The following FAM32A variants were observed in gnomAD, a reference collection of about 807,000 sequenced individuals.
FAM32A encodes protein FAM32A.
Under a neutral mutation model 15.8 loss-of-function variants are expected in FAM32A, and 9 were observed. The ratio of observed to expected loss-of-function variants is 0.57; its 90% CI spans 0.34 to 1.00. FAM32A has a LOEUF of 1.00. Ranked by LOEUF, FAM32A falls within the 50% of genes least tolerant of loss-of-function variation. The pLI is 0.02. For missense variants in FAM32A, 113 were observed against 138.3 expected (o/e 0.82, Z 0.92); for synonymous variants, 64 against 54.9 (o/e 1.16, Z -0.73).
At position 16,190,991 on chromosome 19, in the gene FAM32A, C is replaced by G; in HGVS notation, c.*36C>G. ...CCAGTATGGAGCAGCATCGAGGGTT[C>G]GCAAAAGGCCACACTGGGGTTGTGT... On this transcript the variant is annotated 3_prime_UTR_variant, in exon 4 of 4. Transcript: ENST00000263384. 1 of 1,514,652 alleles carries G rather than the reference C, an allele frequency of 6.6e-7. No homozygotes were observed. The highest frequency in any genetic ancestry group is 9.2e-7 in the Non-Finnish European group (1 of 1,089,480). 93.8% of individuals were successfully genotyped at this position (1,514,652 alleles called of 1,614,324 possible).
At chr19:16,189,701 G>GTC (rs973278506) in intron 2 of FAM32A, among the ~76,000 whole-genome samples, 8 of 74,910 alleles carry the variant, frequency 1.1e-4, no homozygotes, top group East Asian at 5.5e-4. Context: ...TTTTGACAGG[G>GTC]TCTCTCTCTC....
rs1454989169 is a variant in FAM32A at position 16,185,785 on chromosome 19, GGC to G, written c.216+22_216+23del. Reference sequence around the variant, plus strand: ...AAGCGGGTGAGCAGAAGCAGAAGGCGGCGGGGAGGCGGGAACACCCGGCGCCG... The same window carrying G: ...AAGCGGGTGAGCAGAAGCAGAAGGCGGGGGAGGCGGGAACACCCGGCGCCG... On this transcript the variant is annotated intron_variant, in intron 2 of 3. Transcript: ENST00000263384. 3.2e-6 allele frequency: 5 copies of G among 1,543,732 alleles called. No homozygotes were observed. The highest frequency in any genetic ancestry group is 4.4e-6 in the Non-Finnish European group (5 of 1,144,700).
intron 2 of FAM32A, chr19:16,186,806 G>T (rs973280206): frequency 1.3e-5 from 2 of 152,258 alleles, no homozygotes; most frequent in African/African-American, 4.8e-5. Flanking sequence ...AGCACATGTG[G>T]CAATGTCTGG....
chr19:16,189,116 G>T (rs911003083), intron 2 of FAM32A, among the ~76,000 whole-genome samples: 1 of 148,978 alleles, frequency 6.7e-6, no homozygotes, highest in African/African-American at 2.5e-5. Flanking sequence ...TCCACCTCCC[G>T]GGTTCAAGCT....
At chr19:16,185,816 GACTGGAA>G in intron 2 of FAM32A, 51 bp downstream of exon 2, 1 of 1,534,972 alleles carries the variant, frequency 6.5e-7, no homozygotes, top group South Asian at 1.2e-5. Context: ...GGCGCCGGGA[GACTGGAA>G]ATTGGGGTCA....
At position 16,191,130 on chromosome 19, in the gene FAM32A, C is replaced by T. The variant is rs911674993; in HGVS notation, c.*175C>T. On this transcript the variant is annotated 3_prime_UTR_variant, in exon 4 of 4. Transcript: ENST00000263384. ...TTCTGGAACTTGATTAAAGTAAGATCGTCCTTGTACTCAGTTTAGGCTTCT... is the reference window on the plus strand; with the variant it reads ...TTCTGGAACTTGATTAAAGTAAGATTGTCCTTGTACTCAGTTTAGGCTTCT... 1.4e-5 allele frequency: 9 copies of T among 624,424 alleles called. No homozygotes were observed. The highest frequency in any genetic ancestry group is 5.5e-5 in the African/African-American group (3 of 55,038). The allele number at this position is 624,424 out of a possible 1,614,324, so 38.7% of individuals were successfully genotyped here. A position where few individuals can be genotyped will look rare whatever the true frequency, so the allele number is the denominator to read the frequency against.
At position 16,188,992 on chromosome 19, in the gene FAM32A, C is replaced by T. The variant is rs1026280452; in HGVS notation, c.217-1528C>T. 4.0e-5 allele frequency among the ~76,000 whole-genome samples: 6 copies of T among 148,986 alleles called. No individual in the cohort carries two copies. The South Asian group carries it at 8.6e-4, about 21-fold the overall frequency. The stretch of plus-strand genomic sequence containing the variant: ...GCTGCAGCATCTAAGATGGCTTTGT[C>T]GCCATATAGCTGGTGCCTCAGTGCT... On this transcript the variant is annotated intron_variant, in intron 2 of 3. Transcript: ENST00000263384.
chr19:16,185,612 G>GTC lies in FAM32A; in HGVS notation c.75-10_75-9dup. On this transcript the variant is annotated splice_polypyrimidine_tract_variant and intron_variant, in intron 1 of 3. Transcript: ENST00000263384. ...ATCCTCCGACCCGCCGCCTCCTCATGTCTTTTTCCAGGAAGAAGAAAAAGA... is the reference window on the plus strand; with the variant it reads ...ATCCTCCGACCCGCCGCCTCCTCATGTCTCTTTTTCCAGGAAGAAGAAAAAGA... The GTC allele has an allele frequency of 6.3e-7, 1 of 1,599,410 alleles. No individual in the cohort carries two copies.
At position 16,190,539 on chromosome 19, in the gene FAM32A, A is replaced by G; in HGVS notation, c.236A>G (p.Lys79Arg). ...CTCCAGCAAATGGAAAGGATCCTAA[A>G]GAAGGCATCCAAAACCCACAAGCAG... ...QEKRQMERIL[K>R]KASKTHKQRV... Residue 79 changes from lysine to arginine, a missense_variant, in exon 3 of 4, where the codon AAG becomes AGG. Lys to Arg is a conservative substitution (Grantham distance 26). Coordinates refer to ENST00000263384, the MANE Select transcript of FAM32A (RefSeq NM_014077.4). 5.6e-6 allele frequency: 9 copies of G among 1,613,046 alleles called. No individual in the cohort carries two copies. Among genetic ancestry groups the G allele is most frequent in the Non-Finnish European group, 7.6e-6 (9 of 1,179,398 alleles).
chr19:16,189,713 G>C (rs964109606), intron 2 of FAM32A, among the ~76,000 whole-genome samples: 2 of 99,608 alleles, frequency 2.0e-5, no homozygotes, highest in African/African-American at 3.8e-5. Flanking sequence ...CTCTCTCTCT[G>C]TCACCCAGGC....
rs1259509796 is a variant in FAM32A at position 16,191,804 on chromosome 19, C to G, written c.*849C>G. The stretch of plus-strand genomic sequence containing the variant: ...CAGGGGTGACAGGACCAGGGCAGAG[C>G]CCCGGTACAAACAGACAAGGCTGCA... On this transcript the variant is annotated 3_prime_UTR_variant, in exon 4 of 4. Transcript: ENST00000263384. The G allele has an allele frequency of 6.6e-6, 1 of 152,310 alleles. No homozygotes were observed. The highest frequency in any genetic ancestry group is 1.5e-5 in the Non-Finnish European group (1 of 68,130). 9.4% of individuals were successfully genotyped at this position (152,310 alleles called of 1,614,324 possible).
At position 16,191,501 on chromosome 19, in the gene FAM32A, A is replaced by G. The variant is rs2145101276; in HGVS notation, c.*546A>G. The G allele has an allele frequency of 6.4e-6, 1 of 156,784 alleles. No individual in the cohort carries two copies. The highest frequency in any genetic ancestry group is 6.2e-5 in the Admixed American group (1 of 16,192). 9.7% of individuals were successfully genotyped at this position (156,784 alleles called of 1,614,324 possible). ...CCTCCTCAGCCACCTGGCCACTGAG[A>G]CAGCATAGCCTGGGTAACGGAACAG... On this transcript the variant is annotated 3_prime_UTR_variant, in exon 4 of 4. Coordinates refer to ENST00000263384, the MANE Select transcript of FAM32A (RefSeq NM_014077.4).
chr19:16,191,711 C>G lies in FAM32A; in HGVS notation c.*756C>G, dbSNP rs996311401. 1 of 152,408 alleles carries G rather than the reference C, an allele frequency of 6.6e-6. No homozygotes were observed. The highest frequency in any genetic ancestry group is 2.1e-4 in the South Asian group (1 of 4,840). 9.4% of individuals were successfully genotyped at this position (152,408 alleles called of 1,614,324 possible). On this transcript the variant is annotated 3_prime_UTR_variant, in exon 4 of 4. Transcript: ENST00000263384. ...TCCTCAGCTGGGGGCTCCTAGCAGC[C>G]TCTTGTATTTACTCAGAGTTGACAC... is the stretch of plus-strand genomic sequence containing the variant.
At chr19:16,190,481 G>A in intron 2 of FAM32A, 39 bp from the exon 3 acceptor site, 1 of 1,489,046 alleles carries the variant, frequency 6.7e-7, no homozygotes, top group Non-Finnish European at 9.3e-7. Flanking sequence ...GGGCTGTGTT[G>A]AGCCTGTAAA....
In FAM32A at chr19:16,191,983, G is replaced by A. The variant is rs1363555734; in HGVS notation, c.*1028G>A. 1.3e-5 allele frequency: 2 copies of A among 152,206 alleles called. No individual in the cohort carries two copies. The highest frequency in any genetic ancestry group is 1.5e-5 in the Non-Finnish European group (1 of 68,030). The allele number at this position is 152,206 out of a possible 1,614,324, so 9.4% of individuals were successfully genotyped here. A position where few individuals can be genotyped will look rare whatever the true frequency, so the allele number is the denominator to read the frequency against. On this transcript the variant is annotated 3_prime_UTR_variant, in exon 4 of 4. Coordinates refer to ENST00000263384, the MANE Select transcript of FAM32A (RefSeq NM_014077.4). ...AATAATGAAGGCAGAAGAGAAAAAC[G>A]AAGTGTGGAATTTGGGGTTGTCCTG...
Position 16,185,703 on chromosome 19 carries a change from C to G in FAM32A, c.154C>G (p.Arg52Gly), listed in dbSNP as rs1416703492. 1.3e-6 allele frequency: 2 copies of G among 1,565,860 alleles called. No homozygotes were observed. Among genetic ancestry groups the G allele is most frequent in the Non-Finnish European group, 1.7e-6 (2 of 1,153,928 alleles). Residue 52 changes from arginine (R) to glycine (G), a missense_variant, in exon 2 of 4, where the codon CGG becomes GGG. Arg to Gly is a moderately radical substitution (Grantham distance 125). Around this residue, in one of 2 missense-constraint regions of FAM32A, gnomAD observed 112 missense variants for 118.6 expected, o/e 0.94. Coordinates refer to ENST00000263384, the MANE Select transcript of FAM32A (RefSeq NM_014077.4). ...GAGCAAAAAGAACGAGGAGGAGAAG[C>G]GGCGCGGCCTGGACAAGCGGACCCC... ...GTSKKNEEEKRRGLDKRTPAQ... is the reference protein window; with the variant it reads ...GTSKKNEEEKGRGLDKRTPAQ...
chr19:16,186,257 A>G (rs2091385593), intron 2 of FAM32A: 1 of 155,676 alleles, frequency 6.4e-6, no homozygotes, highest in Admixed American at 6.5e-5. Context: ...GTCACCACAA[A>G]GTTTGTTTCC....
Position 16,190,588 on chromosome 19 carries a change from C to T in FAM32A, c.270+15C>T. On this transcript the variant is annotated intron_variant, in intron 3 of 3. Coordinates refer to ENST00000263384, the MANE Select transcript of FAM32A (RefSeq NM_014077.4). ...AGAGAGTGGAGGTGAGTCGCCGTGT[C>T]CAGTGGGGGAGACTGAGCCATTCAG... 1 of 1,605,542 alleles carries T rather than the reference C, an allele frequency of 6.2e-7. No individual in the cohort carries two copies. The highest frequency in any genetic ancestry group is 1.1e-5 in the South Asian group (1 of 90,792).
At position 16,185,721 on chromosome 19, in the gene FAM32A, C is replaced by T. The variant is rs777564641; in HGVS notation, c.172C>T (p.Arg58Trp). 2.6e-6 allele frequency: 4 copies of T among 1,557,276 alleles called. No individual in the cohort carries two copies. Among genetic ancestry groups the T allele is most frequent in the Admixed American group, 2.0e-5 (1 of 51,254 alleles). ...EEEKRRGLDK[R>W]TPAQAAFEKM... The stretch of plus-strand genomic sequence containing the variant: ...GGAGAAGCGGCGCGGCCTGGACAAG[C>T]GGACCCCGGCCCAGGCGGCCTTCGA... Residue 58 changes from arginine to tryptophan, a missense_variant, in exon 2 of 4, where the codon CGG becomes TGG. Coordinates refer to ENST00000263384, the MANE Select transcript of FAM32A (RefSeq NM_014077.4).
Sources: allele counts gnomAD v4.1 joint callset (sites outside exome capture counted in the v4.1 genomes callset), GRCh38; gene constraint gnomAD v4.1.1; regional missense constraint gnomAD v4.1.1; transcripts MANE v1.5; gene names NCBI Gene and HGNC (gene_info 2026-07-23, HGNC 2026-07-21).